The following FKBP15 variants were observed in gnomAD, a reference collection of about 807,000 sequenced individuals.
FKBP15 encodes the protein FKBP prolyl isomerase family member 15.
Under a neutral mutation model 158.1 loss-of-function variants are expected in FKBP15, and 106 were observed. The observed-to-expected ratio is 0.67, with a 90% CI of 0.57 to 0.79. The LOEUF is 0.79. Among genes scored for constraint, FKBP15 ranks in the 30% least tolerant of loss-of-function variants. The probability of loss-of-function intolerance (pLI) is 0.00; values close to 1 mark genes in which losing one functional copy is unlikely to be tolerated. For missense variants in FKBP15, 1,287 were observed against 1,479.1 expected (o/e 0.87, Z 2.13); for synonymous variants, 547 against 548.6 (o/e 1.00, Z 0.04).
chr9:113,201,910 A>G (rs1195805428), intron 6 of FKBP15, among the ~76,000 whole-genome samples: 1 of 152,236 alleles, frequency 6.6e-6, no homozygotes, highest in Non-Finnish European at 1.5e-5. Context: ...ACTTATGTAT[A>G]TTATGCATAG....
At chr9:113,202,776 G>T in intron 5 of FKBP15, 147 bp from the exon 6 acceptor site, 1 of 789,762 alleles carries the variant, frequency 1.3e-6, no homozygotes, top group Non-Finnish European at 2.1e-6. Flanking sequence ...CACCCTCTAC[G>T]ATTCACCCTT....
At chr9:113,191,778 A>G (rs868005629) in intron 11 of FKBP15, among the ~76,000 whole-genome samples, 2 of 151,546 alleles carry the variant, frequency 1.3e-5, no homozygotes, top group South Asian at 4.1e-4. Flanking sequence ...ATAAAGAAAC[A>G]CTGAAAGAAT....
chr9:113,215,605 CGT>C (rs58387523), intron 1 of FKBP15, among the ~76,000 whole-genome samples: 21,404 of 97,860 alleles, frequency 0.22, 2,397 homozygotes, highest in Non-Finnish European at 0.26. Flanking sequence ...TATATGTGTG[CGT>C]GTGTGTGTGT....
At chr9:113,185,880 A>C (rs1308334271) in intron 15 of FKBP15, among the ~76,000 whole-genome samples, 2 of 152,140 alleles carry the variant, frequency 1.3e-5, no homozygotes, top group African/African-American at 4.8e-5. Context: ...AATTTCCTCC[A>C]ATGTTTTGCT....
At chr9:113,189,200 T>C (rs183138173) in intron 12 of FKBP15, among the ~76,000 whole-genome samples, 47 of 152,336 alleles carry the variant, frequency 3.1e-4, no homozygotes, top group Middle Eastern at 3.4e-3. Context: ...AACTTCACCT[T>C]GTCCCCTTAT....
chr9:113,161,694 C>T lies in FKBP15; in HGVS notation c.*4384G>A. 3 of 1,613,762 alleles carry T rather than the reference C, an allele frequency of 1.9e-6. No individual in the cohort carries two copies. Among genetic ancestry groups the T allele is most frequent in the Non-Finnish European group, 2.5e-6 (3 of 1,179,748 alleles). The stretch of plus-strand genomic sequence containing the variant: ...TTCATTCCCTGTTGGCAGAACCCAC[C>T]ACAGGTACAGGCAGTGGGTATGGGA... On this transcript the variant is annotated 3_prime_UTR_variant, in exon 28 of 28. Transcript: ENST00000238256.
chr9:113,220,047 T>A (rs1212124120), intron 1 of FKBP15, among the ~76,000 whole-genome samples: 1 of 152,202 alleles, frequency 6.6e-6, no homozygotes, highest in African/African-American at 2.4e-5. Flanking sequence ...TGGTCATTCA[T>A]CTATTAACTC....
chr9:113,188,505 A>G lies in FKBP15; in HGVS notation c.1174-14T>C, dbSNP rs373204201. Reference sequence around the variant, plus strand: ...AGTGTTCACATCCTGAAACAGGAACAAGCGTTTGGGTTACTCTGTACGGGG... The same window carrying G: ...AGTGTTCACATCCTGAAACAGGAACGAGCGTTTGGGTTACTCTGTACGGGG... On this transcript the variant is annotated splice_polypyrimidine_tract_variant and intron_variant, in intron 12 of 27. Coordinates refer to ENST00000238256, the MANE Select transcript of FKBP15 (RefSeq NM_015258.2). The G allele has an allele frequency of 1.1e-5, 17 of 1,609,902 alleles. No individual in the cohort carries two copies. In the African/African-American group the frequency reaches 2.0e-4, roughly 19 times the overall value.
In FKBP15 at chr9:113,162,783, C is replaced by T; in HGVS notation, c.*3295G>A. The T allele has an allele frequency of 6.2e-7, 1 of 1,613,632 alleles. No individual in the cohort carries two copies. The highest frequency in any genetic ancestry group is 8.5e-7 in the Non-Finnish European group (1 of 1,179,728). On this transcript the variant is annotated 3_prime_UTR_variant, in exon 28 of 28. Coordinates refer to ENST00000238256, the MANE Select transcript of FKBP15 (RefSeq NM_015258.2). ...GTGTCACTTTGGCCAGTCTCTAATC[C>T]ATGTCATCCAGGTGGTCATCGGCTA...
chr9:113,196,665 G>A (rs1191028831), intron 9 of FKBP15, among the ~76,000 whole-genome samples: 1 of 152,126 alleles, frequency 6.6e-6, no homozygotes, highest in Non-Finnish European at 1.5e-5. Context: ...TTACAGGCGT[G>A]AGCCACTGCG....
At chr9:113,218,658 A>G (rs1293120201) in intron 1 of FKBP15, among the ~76,000 whole-genome samples, 10 of 152,142 alleles carry the variant, frequency 6.6e-5, no homozygotes, top group Admixed American at 6.5e-4. Context: ...ATAAACTGGT[A>G]TTAGCATTAA....
chr9:113,206,885 C>A, intron 3 of FKBP15: 1 of 423,652 alleles, frequency 2.4e-6, no homozygotes. Context: ...CCCGGCCCAG[C>A]AGTTTATAAT....
chr9:113,201,761 C>T (rs551576744), intron 6 of FKBP15, among the ~76,000 whole-genome samples: 6 of 152,258 alleles, frequency 3.9e-5, no homozygotes, highest in Non-Finnish European at 7.4e-5. Context: ...TAATTTGTTA[C>T]GGTAGCTTGA....
chr9:113,207,462 C>T (rs1405543068), intron 2 of FKBP15, among the ~76,000 whole-genome samples, 166 bp from the exon 3 acceptor site: 1 of 151,794 alleles, frequency 6.6e-6, no homozygotes, highest in African/African-American at 2.4e-5. Flanking sequence ...GCCTCAGCCT[C>T]ATGAGTAGCT....
At chr9:113,168,345 C>G in intron 27 of FKBP15, 115 bp downstream of exon 27, 1 of 862,358 alleles carries the variant, frequency 1.2e-6, no homozygotes, top group South Asian at 1.6e-5. Context: ...CAGGGCCCTG[C>G]ACACAGAGTC....
chr9:113,166,643 A>G (rs980169878), intron 27 of FKBP15, among the ~76,000 whole-genome samples: 1 of 152,180 alleles, frequency 6.6e-6, no homozygotes, highest in African/African-American at 2.4e-5. Context: ...GTGTGATCCC[A>G]TCATTTGAAA....
In FKBP15 at chr9:113,176,684, G is replaced by A. The variant is rs1325199802; in HGVS notation, c.2087-11C>T. The A allele has an allele frequency of 6.2e-7, 1 of 1,608,190 alleles. No individual in the cohort carries two copies. On this transcript the variant is annotated splice_polypyrimidine_tract_variant and intron_variant, in intron 20 of 27. Coordinates refer to ENST00000238256, the MANE Select transcript of FKBP15 (RefSeq NM_015258.2). ...AGGTTTCTTGGAGCTCTGGGATACA[G>A]GAGCAGAGAGACTTCGCTACAGAAC...
intron 3 of FKBP15, 69 bp downstream of exon 3, chr9:113,207,142 TC>T: frequency 8.3e-7 from 1 of 1,208,948 alleles, no homozygotes; most frequent in Non-Finnish European, 1.2e-6. Context: ...CAGAGGTTTT[TC>T]GAGAAAAAGT....
intron 1 of FKBP15, among the ~76,000 whole-genome samples, chr9:113,219,177 T>G (rs955600834): frequency 3.9e-5 from 6 of 152,212 alleles, no homozygotes; most frequent in African/African-American, 1.4e-4. Flanking sequence ...TCCTGATTAC[T>G]ACTTCTAGAT....
Sources: allele counts gnomAD v4.1 joint callset (sites outside exome capture counted in the v4.1 genomes callset), GRCh38; gene constraint gnomAD v4.1.1; transcripts MANE v1.5; gene names NCBI Gene and HGNC (gene_info 2026-07-23, HGNC 2026-07-21).